The following CTIF variants were observed in gnomAD, a reference collection of about 807,000 sequenced individuals.
CTIF encodes cap binding complex dependent translation initiation factor.
In CTIF, 21 loss-of-function variants were observed where a neutral mutation model predicts 66.0. The observed-to-expected ratio is 0.32, with a 90% CI of 0.23 to 0.46. The LOEUF is 0.46. Ranked by LOEUF, CTIF falls within the 20% of genes least tolerant of loss-of-function variation. CTIF has a pLI of 1.00. For synonymous variants in CTIF, 345 were observed against 326.4 expected (o/e 1.06, Z -0.62); for missense variants, 739 against 812.7 (o/e 0.91, Z 1.10).
At chr18:48,735,893 A>G (rs2092497693) in intron 7 of CTIF, among the ~76,000 whole-genome samples, 1 of 152,088 alleles carries the variant, frequency 6.6e-6, no homozygotes, top group Non-Finnish European at 1.5e-5. Flanking sequence ...ATGTTTGTGG[A>G]TGGCCTCTTG....
chr18:48,841,074 C>T lies in CTIF; in HGVS notation c.1528-16514C>T, dbSNP rs115096395. Among the ~76,000 whole-genome samples, 336 of 152,284 alleles carry T rather than the reference C, an allele frequency of 2.2e-3. 2 individuals carry two copies. The highest frequency in any genetic ancestry group is 7.6e-3 in the African/African-American group (315 of 41,548). On this transcript the variant is annotated intron_variant, in intron 10 of 11. Coordinates refer to ENST00000256413, the MANE Select transcript of CTIF (RefSeq NM_014772.3). Reference sequence around the variant, plus strand: ...TCTAAGTCCTCCAATGACCCTTGCTCGTTATTTATGCCCTCCCTGACTCAT... The same window carrying T: ...TCTAAGTCCTCCAATGACCCTTGCTTGTTATTTATGCCCTCCCTGACTCAT...
chr18:48,711,600 T>C lies in CTIF; in HGVS notation c.508-19T>C. The C allele has an allele frequency of 6.2e-7, 1 of 1,608,556 alleles. No homozygotes were observed. Among genetic ancestry groups the C allele is most frequent in the Non-Finnish European group, 8.5e-7 (1 of 1,175,306 alleles). On this transcript the variant is annotated intron_variant, in intron 6 of 11. Coordinates refer to ENST00000256413, the MANE Select transcript of CTIF (RefSeq NM_014772.3). ...TTCAGGAGTTACTAATGATCCCCCT[T>C]CCTCCCCCCATGACACAGGGCTACC...
chr18:48,794,895 G>A (rs1022571341), intron 9 of CTIF, among the ~76,000 whole-genome samples: 3 of 152,150 alleles, frequency 2.0e-5, no homozygotes, highest in African/African-American at 7.2e-5. Flanking sequence ...AGGGATGTGT[G>A]TGTGGATGCA....
intron 2 of CTIF, among the ~76,000 whole-genome samples, chr18:48,626,685 T>C (rs2090610679): frequency 1.4e-5 from 2 of 143,470 alleles, no homozygotes; most frequent in African/African-American, 5.1e-5. Flanking sequence ...GACAAAGTTT[T>C]GCTCTTGTTG....
chr18:48,619,472 C>A, intron 1 of CTIF, 66 bp from the exon 2 acceptor site: 1 of 1,040,276 alleles, frequency 9.6e-7, no homozygotes, highest in Non-Finnish European at 1.3e-6. Flanking sequence ...GGGTGTTTCT[C>A]AGGTGTGGGC....
intron 1 of CTIF, among the ~76,000 whole-genome samples, chr18:48,552,313 G>A (rs371282967): frequency 1.3e-3 from 204 of 152,336 alleles, no homozygotes; most frequent in African/African-American, 4.1e-3. Flanking sequence ...AACTGAGGAC[G>A]GGTTCTCTGA....
intron 3 of CTIF, among the ~76,000 whole-genome samples, chr18:48,658,243 T>C (rs2091277659): frequency 6.6e-6 from 1 of 152,008 alleles, no homozygotes; most frequent in African/African-American, 2.4e-5. Flanking sequence ...TATATGCCTG[T>C]GTGCATGGTG....
intron 7 of CTIF, among the ~76,000 whole-genome samples, chr18:48,720,552 C>T (rs1568163349): frequency 6.6e-6 from 1 of 152,140 alleles, no homozygotes; most frequent in Non-Finnish European, 1.5e-5. Flanking sequence ...CAGGCAAACC[C>T]CCACCTGGCA....
chr18:48,833,485 C>T lies in CTIF; in HGVS notation c.1527+16109C>T, dbSNP rs140816759. 5.7e-3 allele frequency among the ~76,000 whole-genome samples: 867 copies of T among 152,238 alleles called. 12 individuals carry two copies. Among genetic ancestry groups the T allele is most frequent in the African/African-American group, 0.02 (829 of 41,528 alleles). ...CTCTCTCTAAATGCCCCCCTGCCCC[C>T]GCCGCCCTCCACCTCTCCTCAGACT... On this transcript the variant is annotated intron_variant, in intron 10 of 11. Coordinates refer to ENST00000256413, the MANE Select transcript of CTIF (RefSeq NM_014772.3).
At chr18:48,700,482 C>G (rs936887871) in intron 6 of CTIF, among the ~76,000 whole-genome samples, 2 of 152,216 alleles carry the variant, frequency 1.3e-5, no homozygotes, top group Admixed American at 1.3e-4. Flanking sequence ...GAGGCTTCCC[C>G]CCGGCACAGC....
intron 1 of CTIF, among the ~76,000 whole-genome samples, chr18:48,592,497 C>CAAAA (rs34825594): frequency 8.5e-6 from 1 of 117,644 alleles, no homozygotes; most frequent in Non-Finnish European, 1.8e-5. Context: ...AACCCTGTCT[C>CAAAA]AAAAAAAAAA....
Position 48,669,724 on chromosome 18 carries a change from T to A in CTIF, c.432-945T>A, listed in dbSNP as rs2091490901. On this transcript the variant is annotated intron_variant, in intron 5 of 11. Transcript: ENST00000256413. ...TGTATGTTTAAGATATATTTAATGG[T>A]AAATACAGATAATAATACATACACA... 2.1e-5 allele frequency among the ~76,000 whole-genome samples: 3 copies of A among 141,552 alleles called. No individual in the cohort carries two copies. The South Asian group carries it at 6.7e-4, about 32-fold the overall frequency. 92.9% of individuals were successfully genotyped at this position (141,552 alleles called of 152,430 possible).
intron 3 of CTIF, among the ~76,000 whole-genome samples, chr18:48,644,149 G>C (rs1030677628): frequency 1.3e-5 from 2 of 152,100 alleles, no homozygotes; most frequent in Non-Finnish European, 2.9e-5. Flanking sequence ...CCTCTTTCCT[G>C]CATGAGGAAT....
intron 3 of CTIF, among the ~76,000 whole-genome samples, chr18:48,638,574 C>T (rs1482033791): frequency 2.0e-5 from 3 of 152,096 alleles, no homozygotes; most frequent in African/African-American, 7.2e-5. Flanking sequence ...TGTAGGGGTT[C>T]GCCAGATAAT....
At chr18:48,736,366 C>G (rs879090624) in intron 7 of CTIF, among the ~76,000 whole-genome samples, 3 of 152,190 alleles carry the variant, frequency 2.0e-5, no homozygotes, top group Admixed American at 6.5e-5. Flanking sequence ...ACCACCATGT[C>G]TCTGGGGTTT....
intron 2 of CTIF, among the ~76,000 whole-genome samples, chr18:48,623,428 G>C (rs2090533554): frequency 6.6e-6 from 1 of 152,128 alleles, no homozygotes; most frequent in Non-Finnish European, 1.5e-5. Context: ...GGACGGCTGT[G>C]GCCCACTCTC....
intron 3 of CTIF, among the ~76,000 whole-genome samples, chr18:48,639,411 C>G (rs991383795): frequency 2.0e-5 from 3 of 152,122 alleles, no homozygotes; most frequent in East Asian, 1.9e-4. Flanking sequence ...AAAAATGCAC[C>G]CTGCACGGCA....
chr18:48,752,725 C>T (rs973532653), intron 7 of CTIF, among the ~76,000 whole-genome samples: 5 of 152,162 alleles, frequency 3.3e-5, no homozygotes, highest in African/African-American at 1.2e-4. Flanking sequence ...GGCTGCCATA[C>T]CCCAGACAGA....
At chr18:48,800,837 C>T (rs2068035152) in intron 9 of CTIF, among the ~76,000 whole-genome samples, 1 of 152,252 alleles carries the variant, frequency 6.6e-6, no homozygotes, top group African/African-American at 2.4e-5. Context: ...TTGTGCATAT[C>T]TTGACACACT....
Sources: allele counts gnomAD v4.1 joint callset (sites outside exome capture counted in the v4.1 genomes callset), GRCh38; gene constraint gnomAD v4.1.1; transcripts MANE v1.5; gene names NCBI Gene and HGNC (gene_info 2026-07-23, HGNC 2026-07-21).